PCDHA8: variants seen among roughly 807,000 people sequenced by gnomAD.
PCDHA8 encodes protocadherin alpha-8.
In PCDHA8, 53 loss-of-function variants were observed where a neutral mutation model predicts 61.8. The ratio of observed to expected loss-of-function variants is 0.86; its 90% CI spans 0.69 to 1.08. The LOEUF (loss-of-function observed/expected upper bound fraction) is 1.08. Ranked by LOEUF, PCDHA8 falls within the 50% of genes least tolerant of loss-of-function variation. The pLI, the probability that PCDHA8 is intolerant of heterozygous loss-of-function variation, is 0.00. For synonymous variants in PCDHA8, 618 were observed against 556.6 expected (o/e 1.11, Z -1.55); for missense variants, 1,293 against 1,245.0 (o/e 1.04, Z -0.58).
chr5:140,854,041 AG>A (rs2042955652), intron 1 of PCDHA8: 1 of 283,480 alleles, frequency 3.5e-6, no homozygotes, highest in Non-Finnish European at 5.5e-6. Flanking sequence ...ACACATCTCT[AG>A]TCCCAATTAC....
intron 1 of PCDHA8, among the ~76,000 whole-genome samples, chr5:140,931,320 G>A (rs1350182542): frequency 6.6e-6 from 1 of 151,992 alleles, no homozygotes; most frequent in Non-Finnish European, 1.5e-5. Context: ...TACCAGTAAT[G>A]GCTGTAAAGT....
At chr5:140,851,448 T>C (rs2042064678) in intron 1 of PCDHA8, 1 of 914,844 alleles carries the variant, frequency 1.1e-6, no homozygotes, top group African/African-American at 1.8e-5. Flanking sequence ...TGCTCCACTT[T>C]AGGAATCAAA....
intron 3 of PCDHA8, among the ~76,000 whole-genome samples, chr5:141,008,053 C>T (rs1554261648): frequency 6.6e-6 from 1 of 152,056 alleles, no homozygotes; most frequent in African/African-American, 2.4e-5. Context: ...AACAGGGGTC[C>T]AGTCCATCTA....
At chr5:140,943,139 T>A (rs2093424349) in intron 1 of PCDHA8, among the ~76,000 whole-genome samples, 2 of 151,168 alleles carry the variant, frequency 1.3e-5, no homozygotes, top group Admixed American at 6.6e-5. Context: ...GTGCCTGTAG[T>A]CCCAGCTACT....
chr5:140,967,833 T>C, intron 1 of PCDHA8: 1 of 1,614,132 alleles, frequency 6.2e-7, no homozygotes, highest in Non-Finnish European at 8.5e-7. Context: ...GTGGACATCG[T>C]GGACGTGAAT....
At chr5:140,852,255 T>A (rs1554145733) in intron 1 of PCDHA8, 1 of 511,528 alleles carries the variant, frequency 2.0e-6, no homozygotes, top group Middle Eastern at 9.9e-4. Context: ...ACTTTTGGAA[T>A]ATGCTACAAT....
intron 1 of PCDHA8, chr5:140,849,576 G>T (rs2150441030): frequency 6.3e-7 from 1 of 1,598,698 alleles, no homozygotes; most frequent in East Asian, 2.2e-5. Context: ...TCCTGTAAAA[G>T]AGGACGCACA....
At chr5:140,951,403 G>A (rs62384504) in intron 1 of PCDHA8, among the ~76,000 whole-genome samples, 5,903 of 152,130 alleles carry the variant, frequency 0.039, 173 homozygotes, top group Non-Finnish European at 0.058. Flanking sequence ...AAGAAAAGAG[G>A]TTTAATTGGC....
chr5:140,929,140 C>T, intron 1 of PCDHA8: 1 of 1,614,176 alleles, frequency 6.2e-7, no homozygotes, highest in Non-Finnish European at 8.5e-7. Context: ...AGTTGAGAGA[C>T]TTTCTCAGAC....
chr5:140,986,204 T>A (rs2097190386), intron 3 of PCDHA8, among the ~76,000 whole-genome samples: 1 of 152,224 alleles, frequency 6.6e-6, no homozygotes, highest in African/African-American at 2.4e-5. Context: ...TAATCCTGAT[T>A]ACTGGCCCCT....
chr5:140,869,126 G>T, intron 1 of PCDHA8: 2 of 1,611,852 alleles, frequency 1.2e-6, no homozygotes, highest in South Asian at 2.2e-5. Flanking sequence ...CAGAGAAGGG[G>T]ATTGGGCACC....
chr5:140,967,828 C>T (rs2096188201), intron 1 of PCDHA8: 2 of 1,614,028 alleles, frequency 1.2e-6, no homozygotes, highest in Non-Finnish European at 1.7e-6. Flanking sequence ...TGCTGGTGGA[C>T]ATCGTGGACG....
chr5:140,871,234 G>T (rs1554165295), intron 1 of PCDHA8: 3 of 1,613,844 alleles, frequency 1.9e-6, no homozygotes, highest in Non-Finnish European at 2.5e-6. Flanking sequence ...CAGCCTCCTG[G>T]TACTCACGCT....
chr5:140,851,723 G>A lies in PCDHA8; in HGVS notation c.2394+8008G>A, dbSNP rs1581264682. 7 of 966,358 alleles carry A rather than the reference G, an allele frequency of 7.2e-6. 1 individual carries two copies. In the South Asian group the frequency reaches 1.4e-4, roughly 20 times the overall value. 59.9% of individuals were successfully genotyped at this position (966,358 alleles called of 1,614,324 possible). A position where few individuals can be genotyped will look rare whatever the true frequency, so the allele number is the denominator to read the frequency against. ...CAGCCATGTGAAGATTCGAAACTTC[G>A]AGTTCTTTTGAAATTCAGAGTCTGT... On this transcript the variant is annotated intron_variant, in intron 1 of 3. Transcript: ENST00000531613.
chr5:140,883,973 G>A (rs782157297), intron 1 of PCDHA8: 45 of 1,612,722 alleles, frequency 2.8e-5, no homozygotes, highest in Non-Finnish European at 3.5e-5. Flanking sequence ...GCTGACGCCC[G>A]GGGCTGGCAG....
intron 1 of PCDHA8, chr5:140,881,303 C>G (rs2058657354): frequency 2.1e-6 from 2 of 962,486 alleles, no homozygotes; most frequent in African/African-American, 1.8e-5. Flanking sequence ...GAAACTTTAA[C>G]CTCCTGGTTA....
chr5:140,873,837 T>C (rs554313859), intron 1 of PCDHA8, among the ~76,000 whole-genome samples: 1 of 152,210 alleles, frequency 6.6e-6, no homozygotes, highest in South Asian at 2.1e-4. Context: ...ATTTTTGTAT[T>C]TTTAGTAGAG....
intron 1 of PCDHA8, chr5:140,883,186 C>T (rs782501193): frequency 1.4e-5 from 23 of 1,613,822 alleles, no homozygotes; most frequent in African/African-American, 2.7e-5. Context: ...GGACAAAAGG[C>T]AAACTAGATT....
At chr5:140,860,539 A>C (rs1017009247) in intron 1 of PCDHA8, 4 of 152,206 alleles carry the variant, frequency 2.6e-5, no homozygotes, top group African/African-American at 7.2e-5. Flanking sequence ...TTTGTAAGAC[A>C]AACCCACCTT....
Sources: allele counts gnomAD v4.1 joint callset (sites outside exome capture counted in the v4.1 genomes callset), GRCh38; gene constraint gnomAD v4.1.1; transcripts MANE v1.5; gene names NCBI Gene and HGNC (gene_info 2026-07-23, HGNC 2026-07-21).